Variants in NRG1 observed in about 807,000 individuals in gnomAD.
NRG1 encodes the protein neuregulin 1, also known as pro-neuregulin-1, membrane-bound isoform.
A neutral mutation model predicts 63.8 loss-of-function variants in NRG1; 18 were observed. The ratio of observed to expected loss-of-function variants is 0.28; its 90% CI spans 0.19 to 0.42. The LOEUF is 0.42. NRG1 is among the 10% of genes least tolerant of loss of function. The pLI, the probability that NRG1 is intolerant of heterozygous loss-of-function variation, is 1.00. For missense variants in NRG1, 762 were observed against 814.7 expected (o/e 0.94, Z 0.79); for synonymous variants, 302 against 301.3 (o/e 1.00, Z -0.02).
intron 1 of NRG1, among the ~76,000 whole-genome samples, chr8:31,763,079 A>G (rs183333143): frequency 2.2e-4 from 33 of 152,316 alleles, no homozygotes; most frequent in Admixed American, 1.4e-3. Flanking sequence ...TCATATAATC[A>G]TCTCAATAGA....
intron 1 of NRG1, among the ~76,000 whole-genome samples, chr8:31,751,448 A>T (rs1563359300): frequency 6.6e-6 from 1 of 151,992 alleles, no homozygotes; most frequent in East Asian, 1.9e-4. Flanking sequence ...CTTAAAAATA[A>T]GGCAAACATG....
chr8:31,891,566 C>A (rs1318006853), intron 1 of NRG1, among the ~76,000 whole-genome samples: 2 of 152,128 alleles, frequency 1.3e-5, no homozygotes, highest in South Asian at 2.1e-4. Flanking sequence ...ACAGCCCATA[C>A]TAGGAAAGAG....
At chr8:32,635,735 A>G (rs1339180800) in intron 5 of NRG1, among the ~76,000 whole-genome samples, 1 of 152,158 alleles carries the variant, frequency 6.6e-6, no homozygotes, top group East Asian at 1.9e-4. Context: ...TGCATTGCCA[A>G]ATGCTTAGGT....
intron 1 of NRG1, among the ~76,000 whole-genome samples, chr8:32,080,382 CAGA>C (rs760014503): frequency 7.9e-5 from 12 of 152,152 alleles, no homozygotes; most frequent in Non-Finnish European, 1.8e-4. Context: ...AGTTGCTGAG[CAGA>C]AGGTGCCACA....
chr8:31,912,333 G>A (rs975340181), intron 1 of NRG1, among the ~76,000 whole-genome samples: 9 of 152,070 alleles, frequency 5.9e-5, no homozygotes, highest in African/African-American at 1.9e-4. Context: ...GGGGGACTTG[G>A]TGGGTAGCCA....
At chr8:32,166,964 C>A (rs1188968682) in intron 1 of NRG1, among the ~76,000 whole-genome samples, 1 of 152,154 alleles carries the variant, frequency 6.6e-6, no homozygotes, top group East Asian at 1.9e-4. Context: ...GGTTTCATTG[C>A]AAGGCAAAAG....
At chr8:32,380,293 C>T (rs982117413) in intron 1 of NRG1, among the ~76,000 whole-genome samples, 25 of 152,106 alleles carry the variant, frequency 1.6e-4, no homozygotes, top group African/African-American at 5.3e-4. Flanking sequence ...ACCATCTCCT[C>T]GTAGATTCTT....
At chr8:32,218,199 A>G (rs536677964) in intron 1 of NRG1, among the ~76,000 whole-genome samples, 37 of 152,186 alleles carry the variant, frequency 2.4e-4, no homozygotes, top group Non-Finnish European at 4.6e-4. Flanking sequence ...GTGAGCTGTA[A>G]TGTAACTGGA....
intron 1 of NRG1, among the ~76,000 whole-genome samples, chr8:32,267,276 C>T (rs541966534): frequency 6.6e-6 from 1 of 152,262 alleles, no homozygotes; most frequent in South Asian, 2.1e-4. Flanking sequence ...GGTCTGTAAA[C>T]CACATTTTGT....
chr8:32,205,186 A>T (rs763244872), intron 1 of NRG1, among the ~76,000 whole-genome samples: 1 of 152,202 alleles, frequency 6.6e-6, no homozygotes, highest in Non-Finnish European at 1.5e-5. Context: ...CTCTGGTGCA[A>T]TTAAAAGTCT....
At position 31,932,775 on chromosome 8, in the gene NRG1, T is replaced by G. The variant is rs577997285; in HGVS notation, c.37+293344T>G. On this transcript the variant is annotated intron_variant, in intron 1 of 10. Coordinates refer to the NRG1 transcript ENST00000519301. ...CTCATTGCTAGGCTGAGATTTGCAT[T>G]TTTCTGAAAATCAGAGTGCTGAATT... Among the ~76,000 whole-genome samples the G allele has an allele frequency of 5.3e-5, 8 of 152,318 alleles. No homozygotes were observed. In the South Asian group the frequency reaches 1.2e-3, roughly 24 times the overall value.
intron 1 of NRG1, among the ~76,000 whole-genome samples, chr8:32,565,113 A>G (rs1837203702): frequency 6.6e-6 from 1 of 152,078 alleles, no homozygotes. Context: ...AAGTTATGGC[A>G]TTTAACCCTG....
chr8:32,032,300 G>T (rs2199538), intron 1 of NRG1, among the ~76,000 whole-genome samples: 17 of 151,452 alleles, frequency 1.1e-4, no homozygotes, highest in African/African-American at 4.1e-4. Context: ...TCACAGTGTC[G>T]TTCAGGCTGG....
chr8:32,555,848 G>C (rs1459331033), intron 1 of NRG1, among the ~76,000 whole-genome samples: 1 of 152,204 alleles, frequency 6.6e-6, no homozygotes, highest in African/African-American at 2.4e-5. Flanking sequence ...CCCTGTACTT[G>C]TTATCTTTGA....
At chr8:32,469,374 CT>C (rs1414242993) in intron 1 of NRG1, among the ~76,000 whole-genome samples, 1 of 152,192 alleles carries the variant, frequency 6.6e-6, no homozygotes, top group African/African-American at 2.4e-5. Context: ...ACTGTCGGAC[CT>C]CAGGGGAGAG....
At chr8:31,964,745 G>C (rs987466258) in intron 1 of NRG1, among the ~76,000 whole-genome samples, 1 of 152,128 alleles carries the variant, frequency 6.6e-6, no homozygotes, top group Non-Finnish European at 1.5e-5. Flanking sequence ...ATAATAACTT[G>C]ACAGAGAGAA....
At chr8:31,950,369 C>T (rs889305353) in intron 1 of NRG1, among the ~76,000 whole-genome samples, 2 of 152,146 alleles carry the variant, frequency 1.3e-5, no homozygotes, top group South Asian at 2.1e-4. Context: ...GACAGTAAAT[C>T]ATATTGTTTG....
At chr8:32,150,896 G>A (rs1837431026) in intron 1 of NRG1, among the ~76,000 whole-genome samples, 1 of 152,162 alleles carries the variant, frequency 6.6e-6, no homozygotes, top group African/African-American at 2.4e-5. Flanking sequence ...TAAATTTTTA[G>A]TGTCCTTTTA....
intron 1 of NRG1, among the ~76,000 whole-genome samples, chr8:31,841,985 CT>C (rs1826242922): frequency 6.6e-6 from 1 of 152,212 alleles, no homozygotes; most frequent in Admixed American, 6.5e-5. Flanking sequence ...AGACCACTGG[CT>C]GTGCCTTCCC....
Sources: allele counts gnomAD v4.1 joint callset (sites outside exome capture counted in the v4.1 genomes callset), GRCh38; gene constraint gnomAD v4.1.1; transcripts MANE v1.5; gene names NCBI Gene and HGNC (gene_info 2026-07-23, HGNC 2026-07-21).